Variants in FBXO38 observed in about 807,000 individuals in gnomAD.
The protein encoded by FBXO38 is F-box protein 38, also known as F-box only protein 38.
A neutral mutation model predicts 131.9 loss-of-function variants in FBXO38; 53 were observed. The ratio of observed to expected loss-of-function variants is 0.40; its 90% CI spans 0.32 to 0.51. The LOEUF (loss-of-function observed/expected upper bound fraction) is 0.51, where lower values mean the gene tolerates loss of function less well. Among genes scored for constraint, FBXO38 ranks in the 20% least tolerant of loss-of-function variants. The probability of loss-of-function intolerance (pLI) is 0.53; values close to 1 mark genes in which losing one functional copy is unlikely to be tolerated. For synonymous variants in FBXO38, 452 were observed against 505.6 expected, an observed-to-expected ratio of 0.89 and a Z score of 1.42; for missense variants, 1,076 against 1,475.6, an observed-to-expected ratio of 0.73 and a Z score of 4.44.
intron 12 of FBXO38, among the ~76,000 whole-genome samples, chr5:148,422,946 T>C (rs1254385196): frequency 1.3e-5 from 2 of 149,264 alleles, no homozygotes; most frequent in African/African-American, 5.0e-5. Context: ...ACAACACAGA[T>C]AACTGGTTTG....
At chr5:148,390,993 C>G (rs185648099) in intron 1 of FBXO38, among the ~76,000 whole-genome samples, 5 of 152,166 alleles carry the variant, frequency 3.3e-5, no homozygotes, top group Non-Finnish European at 2.9e-5. Flanking sequence ...TGAACATGTG[C>G]TAAAGTATAA....
intron 17 of FBXO38, 57 bp from the exon 18 acceptor site, chr5:148,438,275 T>C: frequency 6.6e-7 from 1 of 1,525,218 alleles, no homozygotes; most frequent in East Asian, 2.3e-5. Flanking sequence ...CAACAAAAAT[T>C]AGGCCATCTC....
intron 1 of FBXO38, among the ~76,000 whole-genome samples, chr5:148,388,401 A>G (rs1232312495): frequency 6.6e-6 from 1 of 152,210 alleles, no homozygotes; most frequent in Non-Finnish European, 1.5e-5. Context: ...CTTTGAAGCT[A>G]GGCATTTACT....
chr5:148,399,878 T>C, intron 3 of FBXO38, among the ~76,000 whole-genome samples: 1 of 151,892 alleles, frequency 6.6e-6, no homozygotes, highest in Non-Finnish European at 1.5e-5. Flanking sequence ...ATGTCCAGAT[T>C]ATGAGACTTC....
intron 15 of FBXO38, chr5:148,430,287 T>TGGGATTACAAGCACCTGCCACCATGCCTA (rs1753968930): frequency 1.3e-5 from 2 of 151,504 alleles, no homozygotes; most frequent in South Asian, 4.2e-4. Flanking sequence ...CCCCAGTAGC[T>TGGGATTACAAGCACCTGCCACCATGCCTA]GGGATTACAA....
intron 15 of FBXO38, among the ~76,000 whole-genome samples, chr5:148,431,069 C>T (rs541883946): frequency 6.6e-6 from 1 of 152,290 alleles, no homozygotes; most frequent in East Asian, 1.9e-4. Context: ...TTCCAGTAGA[C>T]TGTGAGCTCC....
Position 148,402,417 on chromosome 5 carries a change from G to C in FBXO38, c.496G>C (p.Gly166Arg). 1 of 1,613,038 alleles carries C rather than the reference G, an allele frequency of 6.2e-7. No homozygotes were observed. Among genetic ancestry groups the C allele is most frequent in the Non-Finnish European group, 8.5e-7 (1 of 1,179,294 alleles). The change falls in exon 5 of 22, where the codon GGG becomes CGG. Residue 166 changes from glycine (G) to arginine (R), a missense_variant. This residue lies in a region of FBXO38 where 96 missense variants were observed against 193.9 expected (regional missense o/e 0.50). Coordinates refer to ENST00000340253, the MANE Select transcript of FBXO38 (RefSeq NM_205836.3). ...WTYMPHVHIL[G>R]KFRNRNGAFP... Reference sequence around the variant, plus strand: ...ATATATGCCCCATGTTCATATTTTGGGGAAATTTCGTAATCGTAATGGAGC... The same window carrying C: ...ATATATGCCCCATGTTCATATTTTGCGGAAATTTCGTAATCGTAATGGAGC...
At position 148,423,924 on chromosome 5, in the gene FBXO38, G is replaced by A. The variant is rs1038226050; in HGVS notation, c.1619-74G>A. 47 of 1,414,944 alleles carry A rather than the reference G, an allele frequency of 3.3e-5. 1 individual carries two copies. Among genetic ancestry groups the A allele is most frequent in the East Asian group, 1.4e-4 (6 of 41,742 alleles). 87.6% of individuals were successfully genotyped at this position (1,414,944 alleles called of 1,614,324 possible). A position where few individuals can be genotyped will look rare whatever the true frequency, so the allele number is the denominator to read the frequency against. On this transcript the variant is annotated intron_variant, in intron 12 of 21. Transcript: ENST00000340253. ...AGCGGGACTGTTCAGTTCTTAGGGC[G>A]GCCACAGTTTTGCCTGCCATTGTAG...
At chr5:148,398,431 C>A in intron 2 of FBXO38, among the ~76,000 whole-genome samples, 1 of 145,988 alleles carries the variant, frequency 6.8e-6, no homozygotes. Flanking sequence ...TGTATGTGAC[C>A]TTAAAGGTTA....
Position 148,440,410 on chromosome 5 carries a change from C to G in FBXO38, c.3171-14C>G. 6.5e-7 allele frequency: 1 copy of G among 1,528,492 alleles called. No individual in the cohort carries two copies. The highest frequency in any genetic ancestry group is 9.0e-7 in the Non-Finnish European group (1 of 1,107,872). The allele number at this position is 1,528,492 out of a possible 1,614,324, so 94.7% of individuals were successfully genotyped here. A position where few individuals can be genotyped will look rare whatever the true frequency, so the allele number is the denominator to read the frequency against. On this transcript the variant is annotated splice_polypyrimidine_tract_variant and intron_variant, in intron 19 of 21. Transcript: ENST00000340253. ...GTTTTGTAATTTTTACTTAATTTTT[C>G]CTGTTGCTTCCAGAGAGCTCATTAA...
chr5:148,428,677 A>G (rs1753864404), intron 15 of FBXO38, among the ~76,000 whole-genome samples: 1 of 152,156 alleles, frequency 6.6e-6, no homozygotes, highest in African/African-American at 2.4e-5. Context: ...ATTTTCTTCA[A>G]GTAGCCCTCA....
At position 148,440,999 on chromosome 5, in the gene FBXO38, A is replaced by C. The variant is rs1754652757; in HGVS notation, c.3275-125A>C. On this transcript the variant is annotated intron_variant, in intron 20 of 21. Coordinates refer to ENST00000340253, the MANE Select transcript of FBXO38 (RefSeq NM_205836.3). The stretch of plus-strand genomic sequence containing the variant: ...ATTACAAATTAGTTTGATAGCTGGA[A>C]ATGATTTGAGGACACCTGACTCACT... The C allele has an allele frequency of 4.3e-6, 3 of 696,530 alleles. No homozygotes were observed. In the Admixed American group the frequency reaches 7.4e-5, roughly 17 times the overall value. 43.1% of individuals were successfully genotyped at this position (696,530 alleles called of 1,614,324 possible). A position where few individuals can be genotyped will look rare whatever the true frequency, so the allele number is the denominator to read the frequency against.
chr5:148,424,433 A>G (rs1472339224), intron 13 of FBXO38, among the ~76,000 whole-genome samples: 2 of 152,224 alleles, frequency 1.3e-5, no homozygotes, highest in African/African-American at 4.8e-5. Flanking sequence ...CTGATTAAAT[A>G]TTCTGCTATT....
chr5:148,404,145 T>C (rs1159261493), intron 5 of FBXO38, among the ~76,000 whole-genome samples: 1 of 152,210 alleles, frequency 6.6e-6, no homozygotes, highest in Non-Finnish European at 1.5e-5. Context: ...TTACAAATTC[T>C]TAAGATTCAT....
At chr5:148,393,087 A>ACACATGTC (rs1377698164) in intron 1 of FBXO38, among the ~76,000 whole-genome samples, 1 of 152,012 alleles carries the variant, frequency 6.6e-6, no homozygotes, top group African/African-American at 2.4e-5. Flanking sequence ...AGAAGTTAAG[A>ACACATGTC]CACATGTCAC....
rs1751993860 is a variant in FBXO38 at position 148,399,105 on chromosome 5, G to A, written c.235G>A (p.Gly79Arg). Residue 79 changes from glycine (G) to arginine (R), a missense_variant, in exon 3 of 22, where the codon GGG becomes AGG. Transcript: ENST00000340253. ...TGTGAGAGTTGTAGATCTCTGTGCA[G>A]GGCGGTGGTGGGAATACATGCCAAG... Reference protein sequence around the residue: ...RVVRVVDLCAGRWWEYMPSGF... With the variant: ...RVVRVVDLCARRWWEYMPSGF... 2 of 1,612,072 alleles carry A rather than the reference G, an allele frequency of 1.2e-6. No homozygotes were observed. The highest frequency in any genetic ancestry group is 2.7e-5 in the African/African-American group (2 of 74,402).
Position 148,404,503 on chromosome 5 carries a change from C to T in FBXO38, c.593-182C>T, listed in dbSNP as rs141871907. 6.8e-4 allele frequency among the ~76,000 whole-genome samples: 103 copies of T among 152,266 alleles called. No homozygotes were observed. The East Asian group carries it at 0.019, about 28-fold the overall frequency. On this transcript the variant is annotated intron_variant, in intron 5 of 21. Transcript: ENST00000340253. Reference sequence around the variant, plus strand: ...TAAGTCAGTTTATGGTTTACGTAAACTGTTCTTTGTAAGCCTGTTTTAAAT... The same window carrying T: ...TAAGTCAGTTTATGGTTTACGTAAATTGTTCTTTGTAAGCCTGTTTTAAAT...
chr5:148,395,172 A>C (rs1032928157), intron 2 of FBXO38, among the ~76,000 whole-genome samples: 1 of 152,100 alleles, frequency 6.6e-6, no homozygotes, highest in African/African-American at 2.4e-5. Flanking sequence ...CTTTCTCTAG[A>C]CTGTTAACAT....
At chr5:148,425,727 A>G (rs1753679730) in intron 14 of FBXO38, 26 bp downstream of exon 14, 1 of 1,597,326 alleles carries the variant, frequency 6.3e-7, no homozygotes, top group South Asian at 1.1e-5. Flanking sequence ...TCTCTGAACT[A>G]TTAATGAGAG....
Sources: gnomAD v4.1 joint callset for allele counts (sites outside exome capture counted in the v4.1 genomes callset) on GRCh38, gnomAD v4.1.1 for gene constraint, gnomAD v4.1.1 regional missense constraint, MANE v1.5 for transcripts, NCBI Gene and HGNC (gene_info 2026-07-23, HGNC 2026-07-21) for gene names.